The following MRPS10 variants were observed in gnomAD, a reference collection of about 807,000 sequenced individuals.
MRPS10 encodes small ribosomal subunit protein uS10m.
MRPS10 carries 23 observed loss-of-function variants against 27.5 expected under a neutral mutation model. The observed-to-expected ratio is 0.84, with a 90% confidence interval of 0.60 to 1.18. The LOEUF (loss-of-function observed/expected upper bound fraction) is 1.18. Ranked by LOEUF, MRPS10 falls within the 50% of genes most tolerant of loss-of-function variation. The pLI, the probability that MRPS10 is intolerant of heterozygous loss-of-function variation, is 0.00. For missense variants in MRPS10, 237 were observed against 240.1 expected (o/e 0.99, Z 0.09); for synonymous variants, 88 against 84.2 (o/e 1.04, Z -0.25).
chr6:42,217,728 A>C, intron 1 of MRPS10, 74 bp downstream of exon 1: 1 of 1,508,284 alleles, frequency 6.6e-7, no homozygotes, highest in Non-Finnish European at 9.2e-7. Context: ...TGATGGGCAG[A>C]GCGGCTGGTG....
At chr6:42,211,755 G>T (rs887639278) in intron 4 of MRPS10, 26 bp downstream of exon 4, 3 of 1,604,816 alleles carry the variant, frequency 1.9e-6, no homozygotes, top group Non-Finnish European at 2.6e-6. Flanking sequence ...CAGCGAACAG[G>T]TCGGGTCAGG....
Position 42,208,214 on chromosome 6 carries a change from A to C in MRPS10, c.*75T>G. ...GCAGACTCAAATCATCTCAGCTGGAAGCACTCTCCACTTAAACATACTCAT... is the reference window on the plus strand; with the variant it reads ...GCAGACTCAAATCATCTCAGCTGGACGCACTCTCCACTTAAACATACTCAT... On this transcript the variant is annotated 3_prime_UTR_variant, in exon 7 of 7. Transcript: ENST00000053468. 3 of 1,080,998 alleles carry C rather than the reference A, an allele frequency of 2.8e-6. No homozygotes were observed. Among genetic ancestry groups the C allele is most frequent in the Non-Finnish European group, 4.3e-6 (3 of 703,800 alleles). The allele number at this position is 1,080,998 out of a possible 1,614,324, so 67.0% of individuals were successfully genotyped here.
rs966366337 is a variant in MRPS10 at position 42,216,557 on chromosome 6, T to A, written c.48+1245A>T. On this transcript the variant is annotated intron_variant, in intron 1 of 6. Coordinates refer to ENST00000053468, the MANE Select transcript of MRPS10 (RefSeq NM_018141.4). The stretch of plus-strand genomic sequence containing the variant: ...CGGGTGCGGTGGCTCAAGGCTGTAA[T>A]CCCAGCACTTTGGGAGGCCGAGGCT... 3.3e-5 allele frequency among the ~76,000 whole-genome samples: 5 copies of A among 151,150 alleles called. No individual in the cohort carries two copies. In the South Asian group the frequency reaches 1.1e-3, roughly 32 times the overall value.
intron 1 of MRPS10, 70 bp downstream of exon 1, chr6:42,217,732 G>T: frequency 6.6e-7 from 1 of 1,523,564 alleles, no homozygotes; most frequent in Non-Finnish European, 9.1e-7. Context: ...GGGCAGAGCG[G>T]CTGGTGGCAG....
rs769337094 is a variant in MRPS10 at position 42,211,794 on chromosome 6, T to C, written c.310A>G (p.Ile104Val). Residue 104 changes from isoleucine to valine, a missense_variant, in exon 4 of 7, where the codon ATC becomes GTC. Transcript: ENST00000053468. The part of the protein sequence containing the change: ...FAVLAAKELG[I>V]SIKVHEPPRK... The stretch of plus-strand genomic sequence containing the variant: ...GGCCATACTCACACTTTAATAGAGA[T>C]ACCAAGTTCTTTAGCAGCAAGCACA... 34 of 1,613,098 alleles carry C rather than the reference T, an allele frequency of 2.1e-5. No homozygotes were observed. The Middle Eastern group carries it at 1.5e-3, about 70-fold the overall frequency.
intron 1 of MRPS10, among the ~76,000 whole-genome samples, chr6:42,217,491 T>C (rs1691780849): frequency 6.6e-6 from 1 of 152,214 alleles, no homozygotes; most frequent in South Asian, 2.1e-4. Context: ...TTTCCTGTCT[T>C]CTCTGAGCCT....
intron 1 of MRPS10, among the ~76,000 whole-genome samples, chr6:42,216,381 A>T (rs371511769): frequency 0.026 from 841 of 31,916 alleles, 16 homozygotes; most frequent in African/African-American, 0.052. Flanking sequence ...AGAGAGAGAG[A>T]GAGAGTGTGT....
chr6:42,208,524 T>C (rs1017953064), intron 6 of MRPS10, 152 bp from the exon 7 acceptor site: 36 of 666,574 alleles, frequency 5.4e-5, no homozygotes, highest in Admixed American at 2.6e-4. Flanking sequence ...AGAAGGAAAC[T>C]TGATGGTCTA....
At chr6:42,215,148 G>C (rs541390504) in intron 1 of MRPS10, among the ~76,000 whole-genome samples, 1 of 152,016 alleles carries the variant, frequency 6.6e-6, no homozygotes, top group South Asian at 2.1e-4. Context: ...CAGCACTTTG[G>C]GAGGCCAAGG....
Position 42,209,747 on chromosome 6 carries a change from CAAAAAAAAAAAAAAA to C in MRPS10, c.432+726_432+740del, listed in dbSNP as rs60179760. On this transcript the variant is annotated intron_variant, in intron 5 of 6. Transcript: ENST00000053468. ...GTGGTGACAGAGTGAGACTCTATCT[CAAAAAAAAAAAAAAA>C]AAAAAAAAAAAAAAAGAGTAGGGAC... is the stretch of plus-strand genomic sequence containing the variant. 7.8e-3 allele frequency among the ~76,000 whole-genome samples: 457 copies of C among 58,660 alleles called. 4 individuals carry two copies. The highest frequency in any genetic ancestry group is 0.032 in the African/African-American group (444 of 13,662). 38.5% of individuals were successfully genotyped at this position (58,660 alleles called of 152,430 possible).
At position 42,210,556 on chromosome 6, in the gene MRPS10, G is replaced by A; in HGVS notation, c.364C>T (p.Gln122Ter). The change falls in exon 5 of 7, where the codon CAA becomes TAA. Residue 122 changes from glutamine (Q) to a stop codon, truncating the protein, a stop_gained. Coordinates refer to ENST00000053468, the MANE Select transcript of MRPS10 (RefSeq NM_018141.4). LOFTEE classifies it high-confidence loss of function. ...TGCTTCTTGTAAATATGCACTGATT[G>A]GAGAAGAGTAAATCGCTCTATTTTC... ...PRKIERFTLL[Q>*]SVHIYKKHRV... 6.5e-7 allele frequency: 1 copy of A among 1,529,122 alleles called. No homozygotes were observed. The highest frequency in any genetic ancestry group is 8.9e-7 in the Non-Finnish European group (1 of 1,122,484). The allele number at this position is 1,529,122 out of a possible 1,614,324, so 94.7% of individuals were successfully genotyped here.
chr6:42,217,722 G>A lies in MRPS10; in HGVS notation c.48+80C>T, dbSNP rs1187094297. 14 of 1,464,336 alleles carry A rather than the reference G, an allele frequency of 9.6e-6. No homozygotes were observed. In the South Asian group the frequency reaches 1.1e-4, roughly 12 times the overall value. 90.7% of individuals were successfully genotyped at this position (1,464,336 alleles called of 1,614,324 possible). ...GATAAATATCAGGAAAAATCCTGAT[G>A]GGCAGAGCGGCTGGTGGCAGGGAAA... is the stretch of plus-strand genomic sequence containing the variant. On this transcript the variant is annotated intron_variant, in intron 1 of 6. Transcript: ENST00000053468.
intron 1 of MRPS10, among the ~76,000 whole-genome samples, chr6:42,216,417 G>A (rs1194152567): frequency 5.5e-5 from 3 of 54,596 alleles, no homozygotes; most frequent in Non-Finnish European, 1.3e-4. Context: ...TGTGTGTTGG[G>A]GGAGTGGTGG....
chr6:42,214,085 G>T (rs1294171481), intron 3 of MRPS10, 35 bp downstream of exon 3: 1 of 1,525,244 alleles, frequency 6.6e-7, no homozygotes, highest in Non-Finnish European at 9.0e-7. Context: ...TATTGCCAAG[G>T]TAGCTCCTTA....
At chr6:42,216,375 AGAGAGAGAGAGT>A (rs1768933773) in intron 1 of MRPS10, among the ~76,000 whole-genome samples, 1 of 38,736 alleles carries the variant, frequency 2.6e-5, no homozygotes, top group African/African-American at 6.2e-5. Context: ...AGAGAGAGAG[AGAGAGAGAGAGT>A]GTGTGTGTGT....
In MRPS10 at chr6:42,208,854, A is replaced by G. The variant is rs751618608; in HGVS notation, c.522+4T>C. ...ACCGAAAGAGGCAGAAATTCAAGCT[A>G]TACCTTTGTTACTTCCATGGCAACC... On this transcript the variant is annotated splice_donor_region_variant and intron_variant, in intron 6 of 6. Transcript: ENST00000053468. The G allele has an allele frequency of 3.8e-6, 6 of 1,590,214 alleles. No homozygotes were observed. The South Asian group carries it at 5.5e-5, about 15-fold the overall frequency.
chr6:42,215,856 G>A (rs1768910606), intron 1 of MRPS10, among the ~76,000 whole-genome samples: 1 of 152,062 alleles, frequency 6.6e-6, no homozygotes, highest in African/African-American at 2.4e-5. Flanking sequence ...ACACAAAGTG[G>A]TAAGAGGTAT....
chr6:42,210,693 A>C, intron 4 of MRPS10, 97 bp from the exon 5 acceptor site: 1 of 1,491,278 alleles, frequency 6.7e-7, no homozygotes, highest in East Asian at 2.5e-5. Context: ...TATAGGCATT[A>C]ACTACCATTT....
chr6:42,209,347 A>C (rs1768704166), intron 5 of MRPS10, among the ~76,000 whole-genome samples: 1 of 152,154 alleles, frequency 6.6e-6, no homozygotes, highest in Non-Finnish European at 1.5e-5. Flanking sequence ...ACAACTGAAG[A>C]CAAAAGGACT....
Sources: gnomAD v4.1 joint callset for allele counts (sites outside exome capture counted in the v4.1 genomes callset) on GRCh38, gnomAD v4.1.1 for gene constraint, MANE v1.5 for transcripts, NCBI Gene and HGNC (gene_info 2026-07-23, HGNC 2026-07-21) for gene names.